The following SPAG4 variants were observed in gnomAD, a reference collection of about 807,000 sequenced individuals.
SPAG4 encodes sperm-associated antigen 4 protein.
In SPAG4, 54 loss-of-function variants were observed where a neutral mutation model predicts 53.9. The ratio of observed to expected loss-of-function variants is 1.00; its 90% CI spans 0.80 to 1.26. SPAG4 has a LOEUF of 1.26. SPAG4 is among the 50% of genes most tolerant of loss of function. SPAG4 has a pLI of 0.00. For synonymous variants in SPAG4, 246 were observed against 237.4 expected (o/e 1.04, Z -0.33); for missense variants, 548 against 568.6 (o/e 0.96, Z 0.37).
intron 5 of SPAG4, 50 bp downstream of exon 5, chr20:35,618,180 C>T: frequency 6.3e-7 from 1 of 1,578,984 alleles, no homozygotes; most frequent in South Asian, 1.1e-5. Flanking sequence ...GTTGTGAACC[C>T]GGAGATTGTG....
rs563347958 is a variant in SPAG4, at chr20:35,617,331, T to G, written c.409+91T>G. On this transcript the variant is annotated intron_variant, in intron 2 of 11. Transcript: ENST00000374273. ...TCTGAGCCCCCGGCCCCCGTTTGAG[T>G]ATCGAGCCCCTCTCCGAGCCTCAAC... The G allele has an allele frequency of 5.0e-5, 50 of 1,006,850 alleles. No individual in the cohort carries two copies. The African/African-American group carries it at 6.8e-4, about 14-fold the overall frequency. 62.4% of individuals were successfully genotyped at this position (1,006,850 alleles called of 1,614,324 possible).
intron 9 of SPAG4, 37 bp downstream of exon 9, chr20:35,619,347 G>T: frequency 6.4e-7 from 1 of 1,574,702 alleles, no homozygotes; most frequent in African/African-American, 1.3e-5. Context: ...GACCCCGGGC[G>T]GGACGCTGGG....
Position 35,616,238 on chromosome 20 carries a change from A to C in SPAG4, c.235A>C (p.Lys79Gln), listed in dbSNP as rs201518793. The C allele has an allele frequency of 1.3e-4, 199 of 1,535,794 alleles. No individual in the cohort carries two copies. The African/African-American group carries it at 2.3e-3, about 18-fold the overall frequency. ...GTTWAGSSQQ[K>Q]PAPRSHNWQT... ...CACATGGGCAGGAAGCTCTCAGCAGAAGCCAGCGCCTCGGAGCCACAACTG... is the reference window on the plus strand; with the variant it reads ...CACATGGGCAGGAAGCTCTCAGCAGCAGCCAGCGCCTCGGAGCCACAACTG... Residue 79 changes from lysine (K) to glutamine (Q), a missense_variant, in exon 1 of 12, where the codon AAG (lysine) becomes CAG (glutamine). Coordinates refer to ENST00000374273, the MANE Select transcript of SPAG4 (RefSeq NM_003116.3).
rs769556098 is a variant in SPAG4 at position 35,616,083 on chromosome 20, T to G, written c.80T>G (p.Met27Arg). ...TPNFFSENSS[M>R]SITSEDSKGL... ...AACTTTTTCAGCGAGAACAGCTCAA[T>G]GAGCATCACCTCGGAGGACAGCAAA... is the stretch of plus-strand genomic sequence containing the variant. Residue 27 changes from methionine to arginine, a missense_variant, in exon 1 of 12, where the codon ATG (methionine) becomes AGG (arginine). By Grantham distance (91) the Met-to-Arg change is moderately conservative. Transcript: ENST00000374273. 7 of 1,612,096 alleles carry G rather than the reference T, an allele frequency of 4.3e-6. No individual in the cohort carries two copies. In the East Asian group the frequency reaches 1.3e-4, roughly 31 times the overall value.
intron 2 of SPAG4, 25 bp downstream of exon 2, chr20:35,617,265 C>T: frequency 6.7e-7 from 1 of 1,492,022 alleles, no homozygotes; most frequent in Non-Finnish European, 9.2e-7. Flanking sequence ...AGCTGCGATC[C>T]CCTCTGACCC....
At chr20:35,618,041 C>T (rs1568899007) in intron 4 of SPAG4, 46 bp from the exon 5 acceptor site, 2 of 1,597,902 alleles carry the variant, frequency 1.3e-6, no homozygotes, top group Non-Finnish European at 1.7e-6. Flanking sequence ...CGGGGAAACC[C>T]ATTCTCTTCC....
intron 9 of SPAG4, 130 bp downstream of exon 9, chr20:35,619,440 T>C: frequency 7.3e-7 from 1 of 1,368,630 alleles, no homozygotes; most frequent in East Asian, 2.3e-5. Context: ...AGGAGAGACC[T>C]GGCATTGCTG....
chr20:35,616,259 A>C lies in SPAG4; in HGVS notation c.256A>C (p.Asn86His). Residue 86 changes from asparagine (N) to histidine (H), a missense_variant, in exon 1 of 12, where the codon AAC (asparagine) becomes CAC (histidine). Physicochemically the swap from Asn to His is moderately conservative, Grantham distance 68 (BLOSUM62 1). Coordinates refer to ENST00000374273, the MANE Select transcript of SPAG4 (RefSeq NM_003116.3). ...GCAGAAGCCAGCGCCTCGGAGCCAC[A>C]ACTGGCAGACAGCCTGTGGCGCGGC... ...SQQKPAPRSH[N>H]WQTACGAATV... 1 of 1,510,778 alleles carries C rather than the reference A, an allele frequency of 6.6e-7. No individual in the cohort carries two copies. Among genetic ancestry groups the C allele is most frequent in the African/African-American group, 1.4e-5 (1 of 69,680 alleles). The allele number at this position is 1,510,778 out of a possible 1,614,324, so 93.6% of individuals were successfully genotyped here. A position where few individuals can be genotyped will look rare whatever the true frequency, so the allele number is the denominator to read the frequency against.
intron 5 of SPAG4, 140 bp from the exon 6 acceptor site, chr20:35,618,310 T>G: frequency 8.6e-7 from 1 of 1,158,220 alleles, no homozygotes; most frequent in Non-Finnish European, 1.3e-6. Context: ...TCTTGGGGGC[T>G]CTGATACTGG....
chr20:35,620,830 A>G lies in SPAG4; in HGVS notation c.1168-46A>G, dbSNP rs377427206. On this transcript the variant is annotated intron_variant, in intron 11 of 11. Coordinates refer to ENST00000374273, the MANE Select transcript of SPAG4 (RefSeq NM_003116.3). ...GGAGTGGGGCAGTGAGGGATGAATG[A>G]TCCAGGAGGAGGGCAGCCCTTGGCA... 6.6e-4 allele frequency: 1,069 copies of G among 1,612,726 alleles called. 1 individual carries two copies. Among genetic ancestry groups the G allele is most frequent in the Non-Finnish European group, 8.6e-4 (1,018 of 1,178,968 alleles).
In SPAG4 at chr20:35,616,023, C is replaced by T; in HGVS notation, c.20C>T (p.Pro7Leu). The T allele has an allele frequency of 6.2e-7, 1 of 1,611,924 alleles. No homozygotes were observed. ...GTCAGGATGCGGCGAAGCTCCCGCC[C>T]GGGCTCGGCCTCGTCCTCGCGCAAG... MRRSSRPGSASSSRKHT... is the reference protein window; with the variant it reads MRRSSRLGSASSSRKHT... The change falls in exon 1 of 12, where the codon CCG becomes CTG. Residue 7 changes from proline (P) to leucine (L), a missense_variant. Coordinates refer to ENST00000374273, the MANE Select transcript of SPAG4 (RefSeq NM_003116.3).
chr20:35,620,805 G>T lies in SPAG4; in HGVS notation c.1167+32G>T, dbSNP rs200692073. On this transcript the variant is annotated intron_variant, in intron 11 of 11. Coordinates refer to ENST00000374273, the MANE Select transcript of SPAG4 (RefSeq NM_003116.3). ...TTGTCTCTAGGGTGAAGGTGCCAAGGGAGTGGGGCAGTGAGGGATGAATGA... is the reference window on the plus strand; with the variant it reads ...TTGTCTCTAGGGTGAAGGTGCCAAGTGAGTGGGGCAGTGAGGGATGAATGA... The T allele has an allele frequency of 1.6e-4, 264 of 1,613,304 alleles. 1 individual carries two copies. The highest frequency in any genetic ancestry group is 1.3e-3 in the Middle Eastern group (8 of 6,062).
chr20:35,619,069 C>G, intron 8 of SPAG4, 71 bp downstream of exon 8: 1 of 1,485,238 alleles, frequency 6.7e-7, no homozygotes, highest in South Asian at 1.1e-5. Context: ...ACAGACAGAC[C>G]CATGCACCTG....
In SPAG4 at chr20:35,620,897, C is replaced by A. The variant is rs2031559622; in HGVS notation, c.1189C>A (p.Pro397Thr). 1.2e-6 allele frequency: 2 copies of A among 1,614,084 alleles called. No individual in the cohort carries two copies. The highest frequency in any genetic ancestry group is 1.7e-6 in the Non-Finnish European group (2 of 1,180,042). ...CCAGAATGACCCCCCAGCTGCCTTT[C>A]CCAAGGTGAAGATCCAGATTCTAAG... ...HLQNDPPAAF[P>T]KVKIQILSNW... Residue 397 changes from proline (P) to threonine (T), a missense_variant, in exon 12 of 12, where the codon CCC becomes ACC. Pro to Thr is a conservative substitution (Grantham distance 38). Transcript: ENST00000374273.
Position 35,617,486 on chromosome 20 carries a change from TG to T in SPAG4, c.410-31del, listed in dbSNP as rs2031427029. 15 of 1,557,768 alleles carry T rather than the reference TG, an allele frequency of 9.6e-6. No individual in the cohort carries two copies. The East Asian group carries it at 3.3e-4, about 34-fold the overall frequency. On this transcript the variant is annotated intron_variant, in intron 2 of 11. Coordinates refer to ENST00000374273, the MANE Select transcript of SPAG4 (RefSeq NM_003116.3). ...GGCTGAGCCCCGCCTCTCCCTGCCG[TG>T]GGCCCCTCTCTGACCCTCTGTCCTG... is the stretch of plus-strand genomic sequence containing the variant.
Position 35,616,022 on chromosome 20 carries a change from C to CCGGGCT in SPAG4, c.23_28dup (p.Gly8_Ser9dup). 1 of 1,612,058 alleles carries CCGGGCT rather than the reference C, an allele frequency of 6.2e-7. No individual in the cohort carries two copies. The highest frequency in any genetic ancestry group is 8.5e-7 in the Non-Finnish European group (1 of 1,179,594). ...GGTCAGGATGCGGCGAAGCTCCCGC[C>CCGGGCT]CGGGCTCGGCCTCGTCCTCGCGCAA... On this transcript the variant is annotated inframe_insertion, in exon 1 of 12. Coordinates refer to ENST00000374273, the MANE Select transcript of SPAG4 (RefSeq NM_003116.3).
At chr20:35,619,143 CGACT>C (rs2031489361) in intron 8 of SPAG4, 48 bp from the exon 9 acceptor site, 1 of 1,171,162 alleles carries the variant, frequency 8.5e-7, no homozygotes, top group Non-Finnish European at 1.2e-6. Context: ...CCCCGCGCCC[CGACT>C]CCCGGCAAGG....
chr20:35,618,805 G>A, intron 7 of SPAG4, 85 bp downstream of exon 7: 2 of 1,437,014 alleles, frequency 1.4e-6, no homozygotes, highest in Non-Finnish European at 1.9e-6. Context: ...AGCCCTGCGG[G>A]ATTTCTCCCG....
chr20:35,620,659 C>T (rs751826673), intron 10 of SPAG4, 25 bp from the exon 11 acceptor site: 2 of 547,606 alleles, frequency 3.7e-6, no homozygotes, highest in Non-Finnish European at 6.3e-6. Context: ...CCTCATAGTT[C>T]CTCCTTTCAT....
Sources: gnomAD v4.1 joint callset for allele counts on GRCh38, gnomAD v4.1.1 for gene constraint, MANE v1.5 for transcripts, NCBI Gene and HGNC (gene_info 2026-07-23, HGNC 2026-07-21) for gene names.